Variants in AFF3 observed in about 807,000 individuals in gnomAD.
AFF3 encodes the protein ALF transcription elongation factor 3.
AFF3 carries 32 observed loss-of-function variants against 129.7 expected under a neutral mutation model. That is an observed-to-expected ratio of 0.25 (90% confidence interval 0.19 to 0.33). The LOEUF is 0.33. Among genes scored for constraint, AFF3 ranks in the 10% least tolerant of loss-of-function variants. The probability of loss-of-function intolerance (pLI) is 1.00; values close to 1 mark genes in which losing one functional copy is unlikely to be tolerated. For missense variants in AFF3, 1,373 were observed against 1,592.0 expected, an observed-to-expected ratio of 0.86 and a Z score of 2.34; for synonymous variants, 644 against 635.4, an observed-to-expected ratio of 1.01 and a Z score of -0.20.
At chr2:100,029,019 C>A (rs73966403) in intron 4 of AFF3, among the ~76,000 whole-genome samples, 1 of 152,104 alleles carries the variant, frequency 6.6e-6, no homozygotes, top group Non-Finnish European at 1.5e-5. Flanking sequence ...ACAACTCAAG[C>A]GTTTATCAGT....
In AFF3 at chr2:99,554,356, A is replaced by G. The variant is rs1674715335; in HGVS notation, c.3514T>C (p.Tyr1172His). The change falls in exon 24 of 25, where the codon TAC (tyrosine) becomes CAC (histidine). Residue 1172 changes from tyrosine (Y) to histidine (H), a missense_variant. Physicochemically the swap from Tyr to His is moderately conservative, Grantham distance 83. This residue lies in a region of AFF3 where 165 missense variants were observed against 234.0 expected (regional missense o/e 0.71). Coordinates refer to ENST00000672756, the MANE Select transcript of AFF3 (RefSeq NM_001386135.1). Reference sequence around the variant, plus strand: ...TTGTCGGCCATCTCCCAGTAGTCGTAGCTGTGCAGGATGCTGTTGGTGATG... The same window carrying G: ...TTGTCGGCCATCTCCCAGTAGTCGTGGCTGTGCAGGATGCTGTTGGTGATG... Reference protein sequence around the residue: ...VSITNSILHSYDYWEMADNLA... With the variant: ...VSITNSILHSHDYWEMADNLA... 2 of 1,614,162 alleles carry G rather than the reference A, an allele frequency of 1.2e-6. No individual in the cohort carries two copies. Among genetic ancestry groups the G allele is most frequent in the Non-Finnish European group, 1.7e-6 (2 of 1,180,038 alleles).
intron 8 of AFF3, among the ~76,000 whole-genome samples, chr2:99,788,254 A>T (rs1247657758): frequency 2.6e-5 from 4 of 152,240 alleles, no homozygotes; most frequent in Admixed American, 2.6e-4. Context: ...AAAAAAGTTA[A>T]CTGTAAAACA....
At chr2:99,981,094 C>A (rs1055765660) in intron 7 of AFF3, among the ~76,000 whole-genome samples, 2 of 152,202 alleles carry the variant, frequency 1.3e-5, no homozygotes, top group African/African-American at 4.8e-5. Flanking sequence ...CGGCTCACTG[C>A]TGCAACCTCC....
intron 4 of AFF3, 152 bp from the exon 5 acceptor site, chr2:100,009,084 A>G: frequency 2.8e-6 from 3 of 1,086,296 alleles, no homozygotes; most frequent in Non-Finnish European, 3.9e-6. Context: ...GTCATCAGGC[A>G]GTGTGCTGGG....
intron 7 of AFF3, among the ~76,000 whole-genome samples, chr2:99,899,471 A>G (rs1165203047): frequency 6.6e-6 from 1 of 152,220 alleles, no homozygotes; most frequent in Non-Finnish European, 1.5e-5. Context: ...AAGTGTGACT[A>G]AAGGGATAAA....
chr2:100,114,674 G>A (rs561681042), intron 2 of AFF3, among the ~76,000 whole-genome samples: 186 of 152,086 alleles, frequency 1.2e-3, no homozygotes, highest in African/African-American at 4.2e-3. Flanking sequence ...GAGCCACCAC[G>A]CCTGGCCAGC....
chr2:99,886,034 A>G (rs1693085698), intron 7 of AFF3, among the ~76,000 whole-genome samples: 1 of 152,182 alleles, frequency 6.6e-6, no homozygotes, highest in Non-Finnish European at 1.5e-5. Flanking sequence ...GTTTACATTT[A>G]ATGATTGATT....
At chr2:100,140,555 A>G (rs1395811083) in intron 1 of AFF3, among the ~76,000 whole-genome samples, 1 of 152,156 alleles carries the variant, frequency 6.6e-6, no homozygotes, top group Non-Finnish European at 1.5e-5. Context: ...TCTCTCCTCT[A>G]AAATAAGCAT....
chr2:100,063,111 C>T (rs540841568), intron 4 of AFF3, among the ~76,000 whole-genome samples: 4 of 152,074 alleles, frequency 2.6e-5, no homozygotes, highest in South Asian at 2.1e-4. Context: ...ATTAGCCAGG[C>T]GTGGTGGCAC....
chr2:99,649,239 G>C (rs1685007584), intron 13 of AFF3, among the ~76,000 whole-genome samples: 1 of 152,160 alleles, frequency 6.6e-6, no homozygotes, highest in Non-Finnish European at 1.5e-5. Context: ...TCAAAAGATA[G>C]ATAGCTCCCG....
chr2:99,994,252 A>T (rs1249628397), intron 7 of AFF3, among the ~76,000 whole-genome samples: 1 of 152,222 alleles, frequency 6.6e-6, no homozygotes, highest in Non-Finnish European at 1.5e-5. Context: ...TTAGGGACTC[A>T]AATAGAAAGA....
At chr2:99,623,192 CT>C (rs943784054) in intron 13 of AFF3, among the ~76,000 whole-genome samples, 34 of 147,274 alleles carry the variant, frequency 2.3e-4, no homozygotes, top group Middle Eastern at 3.5e-3. Flanking sequence ...TAGGCCTTTC[CT>C]GATGCCAAAT....
At chr2:99,972,331 A>T (rs1317155144) in intron 7 of AFF3, among the ~76,000 whole-genome samples, 1 of 152,200 alleles carries the variant, frequency 6.6e-6, no homozygotes, top group Non-Finnish European at 1.5e-5. Context: ...AGTCCAAGAG[A>T]ATTCTTTATA....
At chr2:99,710,283 A>T (rs75275885) in intron 11 of AFF3, among the ~76,000 whole-genome samples, 6,413 of 152,132 alleles carry the variant, frequency 0.042, 248 homozygotes, top group Non-Finnish European at 0.061. Context: ...TTTGAGACAG[A>T]GTCTCTATTG....
chr2:99,904,188 T>C (rs757332971), intron 7 of AFF3, among the ~76,000 whole-genome samples: 2 of 152,104 alleles, frequency 1.3e-5, no homozygotes, highest in South Asian at 4.2e-4. Flanking sequence ...CATGTATAAA[T>C]GCTGGGCCTG....
At chr2:99,655,262 ACAC>A (rs1558705709) in intron 12 of AFF3, among the ~76,000 whole-genome samples, 2 of 137,556 alleles carry the variant, frequency 1.5e-5, no homozygotes, top group Non-Finnish European at 3.1e-5. Context: ...ACACACACAC[ACAC>A]AGCAGTCTAC....
In AFF3 at chr2:99,568,965, C is replaced by G. The variant is rs143088655; in HGVS notation, c.2919-50G>C. ...CGTCATTATGGCTTAAGTGCAACGTCTTTTTAAAATATTCCTTCCTTTCAC... is the reference window on the plus strand; with the variant it reads ...CGTCATTATGGCTTAAGTGCAACGTGTTTTTAAAATATTCCTTCCTTTCAC... On this transcript the variant is annotated intron_variant, in intron 18 of 24. Transcript: ENST00000672756. The G allele has an allele frequency of 1.6e-5, 24 of 1,522,370 alleles. No homozygotes were observed. In the East Asian group the frequency reaches 4.1e-4, roughly 26 times the overall value. 94.3% of individuals were successfully genotyped at this position (1,522,370 alleles called of 1,614,324 possible). A position where few individuals can be genotyped will look rare whatever the true frequency, so the allele number is the denominator to read the frequency against.
intron 1 of AFF3, among the ~76,000 whole-genome samples, chr2:100,138,311 T>C (rs764496044): frequency 1.4e-4 from 22 of 152,162 alleles, no homozygotes; most frequent in Non-Finnish European, 2.5e-4. Flanking sequence ...TTTAAATAAG[T>C]GACATCCCAA....
chr2:100,079,056 C>A (rs555863764), intron 4 of AFF3, among the ~76,000 whole-genome samples: 1 of 151,560 alleles, frequency 6.6e-6, no homozygotes, highest in African/African-American at 2.4e-5. Context: ...ACGCCATTCT[C>A]CTGCCTCAGC....
Sources: allele counts gnomAD v4.1 joint callset (sites outside exome capture counted in the v4.1 genomes callset), GRCh38; gene constraint gnomAD v4.1.1; regional missense constraint gnomAD v4.1.1; transcripts MANE v1.5; gene names NCBI Gene and HGNC (gene_info 2026-07-23, HGNC 2026-07-21).